Variants in ROBO2 observed in about 807,000 individuals in gnomAD.
ROBO2 encodes the protein roundabout homolog 2.
Under a neutral mutation model 160.8 loss-of-function variants are expected in ROBO2, and 53 were observed. The observed-to-expected ratio is 0.33, with a 90% CI of 0.26 to 0.41. ROBO2 has a LOEUF of 0.41. Among genes scored for constraint, ROBO2 ranks in the 10% least tolerant of loss-of-function variants. The probability of loss-of-function intolerance (pLI) is 1.00; values close to 1 mark genes in which losing one functional copy is unlikely to be tolerated. For missense variants in ROBO2, 1,577 were observed against 1,722.4 expected (o/e 0.92, Z 1.49); for synonymous variants, 664 against 611.7 (o/e 1.09, Z -1.26).
chr3:76,735,777 A>G (rs2093699678), intron 2 of ROBO2, among the ~76,000 whole-genome samples: 1 of 20,334 alleles, frequency 4.9e-5, no homozygotes, highest in Non-Finnish European at 9.4e-5. Flanking sequence ...AAAAAAAAAG[A>G]AAAAAAAAAG....
intron 2 of ROBO2, among the ~76,000 whole-genome samples, chr3:77,340,831 G>C (rs1581185060): frequency 6.6e-6 from 1 of 152,012 alleles, no homozygotes. Context: ...GTAATGGCTT[G>C]ATACAGAATA....
chr3:76,718,438 A>C (rs2093415866), intron 2 of ROBO2, among the ~76,000 whole-genome samples: 1 of 152,212 alleles, frequency 6.6e-6, no homozygotes, highest in Non-Finnish European at 1.5e-5. Context: ...TTCCATTGCC[A>C]CTGTTATTTT....
At chr3:76,376,772 CAG>C (rs1485569434) in intron 2 of ROBO2, among the ~76,000 whole-genome samples, 1 of 152,092 alleles carries the variant, frequency 6.6e-6, no homozygotes, top group African/African-American at 2.4e-5. Context: ...GTTGATTTGG[CAG>C]AGTCTAATTG....
chr3:76,141,060 C>CATATATATATATATAT (rs55691222), intron 2 of ROBO2, among the ~76,000 whole-genome samples: 2,540 of 53,462 alleles, frequency 0.048, 222 homozygotes, highest in East Asian at 0.21. Flanking sequence ...TTTTTACATA[C>CATATATATATATATAT]ATATATATAT....
intron 2 of ROBO2, among the ~76,000 whole-genome samples, chr3:76,789,027 A>G (rs1266291988): frequency 6.6e-6 from 1 of 151,538 alleles, no homozygotes; most frequent in African/African-American, 2.4e-5. Flanking sequence ...TTAAACATTT[A>G]TACATGCTTG....
At chr3:76,230,730 G>T (rs948567020) in intron 2 of ROBO2, among the ~76,000 whole-genome samples, 8 of 152,026 alleles carry the variant, frequency 5.3e-5, no homozygotes, top group Non-Finnish European at 1.0e-4. Context: ...GGTTTGAATT[G>T]TAATTCCCAG....
At chr3:76,012,858 G>A (rs187370129) in intron 2 of ROBO2, among the ~76,000 whole-genome samples, 88 of 140,514 alleles carry the variant, frequency 6.3e-4, no homozygotes, top group African/African-American at 1.6e-3. Flanking sequence ...TGGCGACTGG[G>A]CACGGTGGCT....
rs182939484 is a variant in ROBO2, at chr3:76,564,113, C to T, written c.110-533901C>T. 4.9e-3 allele frequency among the ~76,000 whole-genome samples: 743 copies of T among 152,196 alleles called. 4 individuals are homozygous for T. The highest frequency in any genetic ancestry group is 0.017 in the Middle Eastern group (5 of 294). Reference sequence around the variant, plus strand: ...CCCAGCTACTTGGAAGGCTGAGACACGAGAATCGCATGAACCTGGGAGGCG... The same window carrying T: ...CCCAGCTACTTGGAAGGCTGAGACATGAGAATCGCATGAACCTGGGAGGCG... On this transcript the variant is annotated intron_variant, in intron 2 of 26. Coordinates refer to the ROBO2 transcript ENST00000487694.
chr3:77,602,464 C>A (rs2153692668), exon 20 of ROBO2: 1 of 1,614,136 alleles, frequency 6.2e-7, no homozygotes, highest in East Asian at 2.2e-5. Context: ...TGGTTATTCT[C>A]TACCTGATCA....
rs1485384709 is a variant in ROBO2, at chr3:76,308,367, ACT to A, written c.109+370768_109+370769del. ...CCTCCAGCCTGGGTGACAGCGTGAGACTCTGTCTCAAAAAAAAAAAAAAAAAA... is the reference window on the plus strand; with the variant it reads ...CCTCCAGCCTGGGTGACAGCGTGAGACTGTCTCAAAAAAAAAAAAAAAAAA... On this transcript the variant is annotated intron_variant, in intron 2 of 26. Transcript: ENST00000487694. Among the ~76,000 whole-genome samples the A allele has an allele frequency of 6.8e-4, 66 of 97,072 alleles. No homozygotes were observed. The Admixed American group carries it at 0.011, about 16-fold the overall frequency. 63.7% of individuals were successfully genotyped at this position (97,072 alleles called of 152,430 possible).
At chr3:75,908,039 A>G (rs751002280) in intron 1 of ROBO2, among the ~76,000 whole-genome samples, 9 of 152,130 alleles carry the variant, frequency 5.9e-5, no homozygotes, top group Non-Finnish European at 1.0e-4. Flanking sequence ...AAAAAATTCA[A>G]TACTTACTTT....
At chr3:76,875,491 T>C (rs1457694618) in intron 2 of ROBO2, among the ~76,000 whole-genome samples, 1 of 152,144 alleles carries the variant, frequency 6.6e-6, no homozygotes, top group Non-Finnish European at 1.5e-5. Context: ...ATGGGCTTTA[T>C]GGTGCTAAAA....
At chr3:77,238,802 A>G (rs183395196) in intron 2 of ROBO2, among the ~76,000 whole-genome samples, 146 of 152,266 alleles carry the variant, frequency 9.6e-4, no homozygotes, top group African/African-American at 3.3e-3. Context: ...GTGTATATTC[A>G]GTATCCGCTA....
intron 2 of ROBO2, among the ~76,000 whole-genome samples, chr3:76,157,605 G>A (rs1455640322): frequency 6.6e-6 from 1 of 152,082 alleles, no homozygotes; most frequent in Non-Finnish European, 1.5e-5. Context: ...TGGGGGGGCT[G>A]CAAATGCTTT....
At chr3:75,912,846 A>G (rs556665456) in intron 1 of ROBO2, among the ~76,000 whole-genome samples, 1 of 152,140 alleles carries the variant, frequency 6.6e-6, no homozygotes, top group African/African-American at 2.4e-5. Flanking sequence ...TTACCACTTC[A>G]TTTCTCTTTT....
intron 2 of ROBO2, among the ~76,000 whole-genome samples, chr3:77,375,723 G>A (rs1560661504): frequency 6.6e-6 from 1 of 152,102 alleles, no homozygotes; most frequent in Admixed American, 6.6e-5. Context: ...TTCATTCTAG[G>A]ACAAACATTG....
At chr3:76,972,822 G>A (rs889124393) in intron 2 of ROBO2, among the ~76,000 whole-genome samples, 3 of 152,120 alleles carry the variant, frequency 2.0e-5, no homozygotes, top group African/African-American at 7.2e-5. Context: ...GCAACAGAGT[G>A]AGATCATGTC....
chr3:76,228,803 G>A (rs2107458642), intron 2 of ROBO2, among the ~76,000 whole-genome samples: 1 of 152,270 alleles, frequency 6.6e-6, no homozygotes, highest in African/African-American at 2.4e-5. Context: ...ATAAACAAAT[G>A]TTGATTTCAT....
At chr3:76,065,230 A>G (rs528151369) in intron 2 of ROBO2, among the ~76,000 whole-genome samples, 13 of 152,216 alleles carry the variant, frequency 8.5e-5, no homozygotes, top group African/African-American at 3.1e-4. Flanking sequence ...GCTTTAAACA[A>G]TCATTGTGGT....
Sources: gnomAD v4.1 joint callset for allele counts (sites outside exome capture counted in the v4.1 genomes callset) on GRCh38, gnomAD v4.1.1 for gene constraint, MANE v1.5 for transcripts, NCBI Gene and HGNC (gene_info 2026-07-23, HGNC 2026-07-21) for gene names.